Variants in NRG1 observed in about 807,000 individuals in gnomAD.
NRG1 encodes neuregulin 1.
NRG1 carries 18 observed loss-of-function variants against 63.8 expected under a neutral mutation model. That is an observed-to-expected ratio of 0.28 (90% confidence interval 0.19 to 0.42). The LOEUF (loss-of-function observed/expected upper bound fraction) is 0.42. NRG1 is among the 10% of genes least tolerant of loss of function. The pLI is 1.00. For missense variants in NRG1, 762 were observed against 814.7 expected (o/e 0.94, Z 0.79); for synonymous variants, 302 against 301.3 (o/e 1.00, Z -0.02).
At chr8:32,079,045 A>G (rs1827033888) in intron 1 of NRG1, among the ~76,000 whole-genome samples, 1 of 152,070 alleles carries the variant, frequency 6.6e-6, no homozygotes, top group African/African-American at 2.4e-5. Flanking sequence ...CTGAACTTAA[A>G]AGCTGGGACA....
chr8:32,122,416 A>G (rs1245229038), intron 1 of NRG1, among the ~76,000 whole-genome samples: 2 of 151,930 alleles, frequency 1.3e-5, no homozygotes, highest in Non-Finnish European at 2.9e-5. Flanking sequence ...TCTTTTTGGT[A>G]TCCCTCATGA....
chr8:32,241,186 C>G (rs1217474720), intron 1 of NRG1, among the ~76,000 whole-genome samples: 2 of 152,098 alleles, frequency 1.3e-5, no homozygotes, highest in African/African-American at 4.8e-5. Flanking sequence ...CTAGAAAGTT[C>G]CCATGTGATG....
At chr8:32,378,643 A>G (rs1019809820) in intron 1 of NRG1, among the ~76,000 whole-genome samples, 1 of 152,164 alleles carries the variant, frequency 6.6e-6, no homozygotes. Flanking sequence ...ATATACTTTA[A>G]GTTTTAGGGT....
intron 1 of NRG1, among the ~76,000 whole-genome samples, chr8:32,572,278 A>G (rs1838746482): frequency 6.6e-6 from 1 of 152,204 alleles, no homozygotes; most frequent in South Asian, 2.1e-4. Flanking sequence ...ATTCCCACAG[A>G]AAAACTCAGC....
chr8:31,724,563 G>A (rs1472607864), intron 1 of NRG1, among the ~76,000 whole-genome samples: 2 of 152,056 alleles, frequency 1.3e-5, no homozygotes, highest in Non-Finnish European at 2.9e-5. Flanking sequence ...CTGATTTTAT[G>A]CAAATTACTT....
intron 1 of NRG1, among the ~76,000 whole-genome samples, chr8:32,396,663 G>C (rs924877505): frequency 2.0e-5 from 3 of 152,158 alleles, no homozygotes; most frequent in South Asian, 4.1e-4. Flanking sequence ...GGTTAGGCTA[G>C]TGTTGAACTC....
intron 1 of NRG1, among the ~76,000 whole-genome samples, chr8:32,091,020 C>G (rs1463400554): frequency 6.6e-6 from 1 of 152,182 alleles, no homozygotes; most frequent in Non-Finnish European, 1.5e-5. Context: ...TGGCTCACAC[C>G]TGTAATCCCA....
At chr8:32,339,420 A>G (rs1209007564) in intron 1 of NRG1, among the ~76,000 whole-genome samples, 3 of 152,198 alleles carry the variant, frequency 2.0e-5, no homozygotes, top group Non-Finnish European at 4.4e-5. Context: ...TATTTTAAAT[A>G]TAGTAGTGTG....
intron 1 of NRG1, among the ~76,000 whole-genome samples, chr8:32,371,920 T>A (rs747817623): frequency 6.6e-6 from 1 of 152,120 alleles, no homozygotes; most frequent in Non-Finnish European, 1.5e-5. Context: ...TACTTGTAGC[T>A]GAACGCAATG....
chr8:31,874,607 A>T (rs1414959260), intron 1 of NRG1, among the ~76,000 whole-genome samples: 1 of 152,190 alleles, frequency 6.6e-6, no homozygotes, highest in Non-Finnish European at 1.5e-5. Flanking sequence ...CAAACAATTC[A>T]ATTATACATT....
chr8:32,104,944 G>A (rs897181523), intron 1 of NRG1, among the ~76,000 whole-genome samples: 2 of 151,548 alleles, frequency 1.3e-5, no homozygotes, highest in Admixed American at 1.3e-4. Flanking sequence ...TGTAGAAGCA[G>A]TACACTCTAA....
chr8:31,856,968 A>G (rs371722253), intron 1 of NRG1, among the ~76,000 whole-genome samples: 4 of 152,184 alleles, frequency 2.6e-5, no homozygotes, highest in African/African-American at 7.2e-5. Flanking sequence ...CAGTCTGCCC[A>G]TTCTCAGATC....
intron 1 of NRG1, among the ~76,000 whole-genome samples, chr8:31,758,632 A>G (rs1817225549): frequency 6.6e-6 from 1 of 152,168 alleles, no homozygotes; most frequent in South Asian, 2.1e-4. Flanking sequence ...CTGGGTTGTT[A>G]CATGTACTAG....
intron 1 of NRG1, among the ~76,000 whole-genome samples, chr8:31,687,850 G>A (rs531285190): frequency 2.0e-5 from 3 of 152,292 alleles, no homozygotes; most frequent in South Asian, 2.1e-4. Flanking sequence ...AAATGGATGC[G>A]GCTGTCACCT....
At chr8:32,737,186 T>C (rs1825282858) in intron 6 of NRG1, among the ~76,000 whole-genome samples, 1 of 152,126 alleles carries the variant, frequency 6.6e-6, no homozygotes, top group African/African-American at 2.4e-5. Flanking sequence ...TTTTCCAAAT[T>C]GCAAACATGA....
intron 1 of NRG1, among the ~76,000 whole-genome samples, chr8:31,998,202 G>A (rs543165286): frequency 6.6e-6 from 1 of 152,098 alleles, no homozygotes; most frequent in South Asian, 2.1e-4. Flanking sequence ...TTTGATTCCA[G>A]CCTAGGGAGG....
intron 1 of NRG1, among the ~76,000 whole-genome samples, chr8:32,374,286 C>T (rs1219018052): frequency 6.6e-6 from 1 of 152,168 alleles, no homozygotes; most frequent in Non-Finnish European, 1.5e-5. Flanking sequence ...TTGGTGTGAT[C>T]TGGGCTGTTT....
rs192390892 is a variant in NRG1 at position 32,712,974 on chromosome 8, A to C, written c.503-14975A>C. 1.4e-3 allele frequency among the ~76,000 whole-genome samples: 217 copies of C among 152,282 alleles called. 2 individuals are homozygous for C. Among genetic ancestry groups the C allele is most frequent in the African/African-American group, 5.0e-3 (206 of 41,560 alleles). ...ATGGCTCCTCTGTCAGAGTTGTGAA[A>C]ATGGTCAGCTTTGTTACGTTGAGCC... On this transcript the variant is annotated intron_variant, in intron 5 of 11. Coordinates refer to ENST00000356819, the Ensembl canonical transcript of NRG1.
At chr8:31,916,998 G>A (rs1161004907) in intron 1 of NRG1, among the ~76,000 whole-genome samples, 2 of 151,878 alleles carry the variant, frequency 1.3e-5, no homozygotes, top group African/African-American at 4.8e-5. Context: ...CTGCATAAAT[G>A]TCTTCTTTTG....
Sources: allele counts gnomAD v4.1 joint callset (sites outside exome capture counted in the v4.1 genomes callset), GRCh38; gene constraint gnomAD v4.1.1; transcripts MANE v1.5; gene names NCBI Gene and HGNC (gene_info 2026-07-23, HGNC 2026-07-21).